Variants in ADGRV1 observed in about 807,000 individuals in gnomAD.
ADGRV1 encodes the protein G-protein coupled receptor 98.
Under a neutral mutation model 596.2 loss-of-function variants are expected in ADGRV1, and 359 were observed. That is an observed-to-expected ratio of 0.60 (90% confidence interval 0.55 to 0.66). The LOEUF (loss-of-function observed/expected upper bound fraction) is 0.66, where lower values mean the gene tolerates loss of function less well. Among genes scored for constraint, ADGRV1 ranks in the 30% least tolerant of loss-of-function variants. ADGRV1 has a pLI of 0.00. For synonymous variants in ADGRV1, 2,681 were observed against 2,679.2 expected (o/e 1.00, Z -0.02); for missense variants, 7,274 against 7,575.6 (o/e 0.96, Z 1.48).
chr5:90,778,124 T>G (rs1458109687), intron 62 of ADGRV1, 81 bp downstream of exon 62: 7 of 1,432,918 alleles, frequency 4.9e-6, no homozygotes, highest in African/African-American at 1.4e-5. Flanking sequence ...TGTGTATGTG[T>G]GGGTGTGTTT....
rs200092423 is a variant in ADGRV1, at chr5:90,720,195, C to T, written c.9595C>T (p.Leu3199=). The T allele has an allele frequency of 1.9e-6, 3 of 1,596,972 alleles. No individual in the cohort carries two copies. In the Admixed American group the frequency reaches 5.2e-5, roughly 27 times the overall value. ...TVLQNQAPLG[L]FSISAVENRA... is the part of the protein sequence containing the mutation. ...TTTGCAAAACCAGGCCCCTTTGGGG[C>T]TATTCAGTATCTCTGCAGTTGAAAA... Residue 3199 remains leucine (L), a synonymous_variant, in exon 44 of 90, where the codon CTA becomes TTA. Transcript: ENST00000405460.
intron 70 of ADGRV1, among the ~76,000 whole-genome samples, chr5:90,794,804 T>A (rs1230242172): frequency 1.3e-5 from 2 of 152,146 alleles, no homozygotes; most frequent in Non-Finnish European, 2.9e-5. Flanking sequence ...TGGGACTGGT[T>A]GGACAGTGGG....
rs144019589 is a variant in ADGRV1 at position 90,750,372 on chromosome 5, CAT to C, written c.10975-178_10975-177del. ...TCACTTAGTCTGTTACTTATTCAAA[CAT>C]GTGTGTTTTAAATCATGGTCATTCT... On this transcript the variant is annotated intron_variant, in intron 52 of 89. Transcript: ENST00000405460. Among the ~76,000 whole-genome samples the C allele has an allele frequency of 0.013, 1,997 of 152,216 alleles. 19 individuals are homozygous for C. The highest frequency in any genetic ancestry group is 0.068 in the Middle Eastern group (20 of 294).
In ADGRV1 at chr5:91,153,212, T is replaced by A. The variant is rs1796203233; in HGVS notation, c.18625-9T>A. ...TGGTTTCTTTTTCCCCCCATCCCAA[T>A]CTAAAAAGGTGCCACCTGACTGGGA... is the stretch of plus-strand genomic sequence containing the variant. On this transcript the variant is annotated splice_polypyrimidine_tract_variant and intron_variant, in intron 88 of 89. Coordinates refer to ENST00000405460, the MANE Select transcript of ADGRV1 (RefSeq NM_032119.4). 6.3e-7 allele frequency: 1 copy of A among 1,597,354 alleles called. No individual in the cohort carries two copies. Among genetic ancestry groups the A allele is most frequent in the Non-Finnish European group, 8.5e-7 (1 of 1,171,586 alleles).
chr5:90,715,341 T>C (rs1176821605), intron 42 of ADGRV1, among the ~76,000 whole-genome samples: 1 of 152,224 alleles, frequency 6.6e-6, no homozygotes, highest in Non-Finnish European at 1.5e-5. Context: ...GACTGTCCCA[T>C]GACAAGGAAA....
At chr5:90,787,403 A>G (rs900851301) in intron 67 of ADGRV1, among the ~76,000 whole-genome samples, 2 of 152,092 alleles carry the variant, frequency 1.3e-5, no homozygotes, top group Admixed American at 1.3e-4. Flanking sequence ...ATAGGTTTTG[A>G]TTGGCACAGC....
intron 83 of ADGRV1, among the ~76,000 whole-genome samples, chr5:90,933,393 G>A (rs1444067732): frequency 2.0e-5 from 3 of 152,194 alleles, no homozygotes; most frequent in Non-Finnish European, 4.4e-5. Flanking sequence ...TGAGGGAAAT[G>A]AGGAAGAAAG....
chr5:90,720,348 C>G (rs1750752519), intron 44 of ADGRV1, 125 bp downstream of exon 44: 1 of 672,930 alleles, frequency 1.5e-6, no homozygotes, highest in African/African-American at 1.8e-5. Context: ...AAAATGAACT[C>G]TAGAAAAGAT....
In ADGRV1 at chr5:90,653,598, C is replaced by G; in HGVS notation, c.4024C>G (p.Pro1342Ala). 1.9e-6 allele frequency: 3 copies of G among 1,613,754 alleles called. No individual in the cohort carries two copies. Among genetic ancestry groups the G allele is most frequent in the Non-Finnish European group, 2.5e-6 (3 of 1,179,814 alleles). The change falls in exon 20 of 90, where the codon CCA becomes GCA. Residue 1342 changes from proline to alanine, a missense_variant. Physicochemically the swap from Pro to Ala is conservative, Grantham distance 27. This residue lies in a region of ADGRV1 where 1,715 missense variants were observed against 1,708.8 expected (regional missense o/e 1.00). Transcript: ENST00000405460. ...AGAGGGTGCATTTGGGACTGTTAAT[C>G]CAAAATACCATCCCTCCAGGAATAA... Reference protein sequence around the residue: ...GLEGAFGTVNPKYHPSRNNTI... With the variant: ...GLEGAFGTVNAKYHPSRNNTI...
intron 83 of ADGRV1, among the ~76,000 whole-genome samples, chr5:90,932,088 G>T (rs1775302892): frequency 6.6e-6 from 1 of 152,168 alleles, no homozygotes; most frequent in South Asian, 2.1e-4. Flanking sequence ...TTGCAGGGCA[G>T]CTTAGTTTAT....
chr5:90,635,334 G>A, intron 10 of ADGRV1, 44 bp downstream of exon 10: 1 of 1,481,404 alleles, frequency 6.8e-7, no homozygotes, highest in East Asian at 2.3e-5. Context: ...TGAGTATGAA[G>A]TAATGTACAG....
At chr5:91,107,559 CTT>C (rs1360222326) in intron 87 of ADGRV1, among the ~76,000 whole-genome samples, 1 of 152,126 alleles carries the variant, frequency 6.6e-6, no homozygotes, top group African/African-American at 2.4e-5. Context: ...AATGCCCTCT[CTT>C]TTCTCTTAAA....
rs778879752 is a variant in ADGRV1 at position 90,694,504 on chromosome 5, A to G, written c.7748A>G (p.Tyr2583Cys). Residue 2583 changes from tyrosine (Y) to cysteine (C), a missense_variant, in exon 33 of 90, where the codon TAC becomes TGC. Physicochemically the swap from Tyr to Cys is radical, Grantham distance 194. Coordinates refer to ENST00000405460, the MANE Select transcript of ADGRV1 (RefSeq NM_032119.4). ...GATGCCTTTGGAGTGTTTGTGATCT[A>G]CAATATTAGTCCCAATACTTCCGAA... The part of the protein sequence containing the change: ...NGDAFGVFVI[Y>C]NISPNTSEDG... 9 of 1,613,830 alleles carry G rather than the reference A, an allele frequency of 5.6e-6. No homozygotes were observed. The Admixed American group carries it at 6.7e-5, about 12-fold the overall frequency.
chr5:91,010,249 G>T (rs1211565242), intron 85 of ADGRV1, among the ~76,000 whole-genome samples: 1 of 152,092 alleles, frequency 6.6e-6, no homozygotes, highest in African/African-American at 2.4e-5. Flanking sequence ...CCATTTCTGA[G>T]AAGCAGTAGT....
chr5:91,011,292 T>A (rs1782699554), intron 85 of ADGRV1, among the ~76,000 whole-genome samples: 3 of 152,038 alleles, frequency 2.0e-5, no homozygotes, highest in South Asian at 4.1e-4. Context: ...CCAGTTATTT[T>A]ATTTTCTGAG....
At chr5:90,870,871 G>GT (rs1768600858) in intron 83 of ADGRV1, among the ~76,000 whole-genome samples, 1 of 152,196 alleles carries the variant, frequency 6.6e-6, no homozygotes, top group Non-Finnish European at 1.5e-5. Flanking sequence ...ATAGGAATTA[G>GT]TAAGTTTCTC....
intron 34 of ADGRV1, among the ~76,000 whole-genome samples, chr5:90,699,074 T>C (rs1747570383): frequency 6.6e-6 from 1 of 152,188 alleles, no homozygotes; most frequent in Admixed American, 6.6e-5. Flanking sequence ...TTCAGGAGGC[T>C]GCCTGTTCAG....
chr5:90,721,815 A>G (rs994816364), intron 45 of ADGRV1, among the ~76,000 whole-genome samples: 1 of 152,102 alleles, frequency 6.6e-6, no homozygotes, highest in Non-Finnish European at 1.5e-5. Context: ...GTAGAGATTG[A>G]TTATGCAAAG....
chr5:91,004,833 G>A (rs941995104), intron 85 of ADGRV1, among the ~76,000 whole-genome samples: 4 of 152,134 alleles, frequency 2.6e-5, no homozygotes, highest in African/African-American at 9.7e-5. Flanking sequence ...GCGAGGGGGA[G>A]GGCTCAAGTG....
Sources: allele counts gnomAD v4.1 joint callset (sites outside exome capture counted in the v4.1 genomes callset), GRCh38; gene constraint gnomAD v4.1.1; regional missense constraint gnomAD v4.1.1; transcripts MANE v1.5; gene names NCBI Gene and HGNC (gene_info 2026-07-23, HGNC 2026-07-21).